Variants in TRAPPC8 observed in about 807,000 individuals in gnomAD.
The protein encoded by TRAPPC8 is general sporulation gene 1 homolog.
In TRAPPC8, 54 loss-of-function variants were observed where a neutral mutation model predicts 174.3. The ratio of observed to expected loss-of-function variants is 0.31; its 90% CI spans 0.25 to 0.39. The LOEUF (loss-of-function observed/expected upper bound fraction) is 0.39, where lower values mean the gene tolerates loss of function less well. Ranked by LOEUF, TRAPPC8 falls within the 10% of genes least tolerant of loss-of-function variation. The probability of loss-of-function intolerance (pLI) is 1.00; values close to 1 mark genes in which losing one functional copy is unlikely to be tolerated. For synonymous variants in TRAPPC8, 630 were observed against 579.9 expected, an observed-to-expected ratio of 1.09 and a Z score of -1.24; for missense variants, 1,531 against 1,699.1, an observed-to-expected ratio of 0.90 and a Z score of 1.74.
rs997446731 is a variant in TRAPPC8 at position 31,873,556 on chromosome 18, G to A, written c.1954-18C>T. 2 of 1,563,166 alleles carry A rather than the reference G, an allele frequency of 1.3e-6. No individual in the cohort carries two copies. The highest frequency in any genetic ancestry group is 1.7e-6 in the Non-Finnish European group (2 of 1,148,914). On this transcript the variant is annotated intron_variant, in intron 13 of 28. Transcript: ENST00000283351. ...CTTACATTCTGAGAGAAATATAAAAGGGAAAAAAAGTAGTTTTTGTGAAAA... is the reference window on the plus strand; with the variant it reads ...CTTACATTCTGAGAGAAATATAAAAAGGAAAAAAAGTAGTTTTTGTGAAAA...
intron 18 of TRAPPC8, among the ~76,000 whole-genome samples, chr18:31,866,233 T>C (rs987493222): frequency 2.4e-4 from 37 of 152,252 alleles, no homozygotes; most frequent in African/African-American, 8.4e-4. Flanking sequence ...TGAACTCAAA[T>C]AACTACACAC....
intron 1 of TRAPPC8, among the ~76,000 whole-genome samples, chr18:31,940,271 T>G (rs1038239667): frequency 3.3e-5 from 5 of 151,810 alleles, no homozygotes; most frequent in African/African-American, 1.2e-4. Flanking sequence ...GGTCAGGAGT[T>G]CGAGACCAGC....
chr18:31,847,642 T>C (rs1370049385), intron 25 of TRAPPC8, among the ~76,000 whole-genome samples: 1 of 152,188 alleles, frequency 6.6e-6, no homozygotes, highest in African/African-American at 2.4e-5. Flanking sequence ...AGGCATAGGA[T>C]GGCTCAGGAC....
chr18:31,877,452 A>G (rs1259966330), intron 12 of TRAPPC8, among the ~76,000 whole-genome samples: 6 of 151,914 alleles, frequency 3.9e-5, no homozygotes, highest in African/African-American at 1.5e-4. Flanking sequence ...CTCTACTAAA[A>G]ATACAAAACA....
chr18:31,857,224 C>A (rs538121038), intron 20 of TRAPPC8, among the ~76,000 whole-genome samples: 1 of 152,080 alleles, frequency 6.6e-6, no homozygotes, highest in Non-Finnish European at 1.5e-5. Flanking sequence ...ATAAATGACG[C>A]CCTATTTTAA....
chr18:31,909,094 A>AC, intron 6 of TRAPPC8, 84 bp from the exon 7 acceptor site: 1 of 1,299,548 alleles, frequency 7.7e-7, no homozygotes, highest in Non-Finnish European at 1.0e-6. Flanking sequence ...AAGAAAAAAA[A>AC]AAAGCAGAAT....
chr18:31,873,007 C>CTTT lies in TRAPPC8; in HGVS notation c.2062+420_2062+422dup, dbSNP rs59209328. On this transcript the variant is annotated intron_variant, in intron 14 of 28. Coordinates refer to ENST00000283351, the MANE Select transcript of TRAPPC8 (RefSeq NM_014939.5). ...AAGTAATAGAGAGCTATTCATTTTC[C>CTTT]TTTTTTTTTTTTTTTTTTTTTTTTT... 5.4e-4 allele frequency among the ~76,000 whole-genome samples: 40 copies of CTTT among 74,630 alleles called. 3 individuals carry two copies. Among genetic ancestry groups the CTTT allele is most frequent in the East Asian group, 8.9e-4 (2 of 2,244 alleles). The allele number at this position is 74,630 out of a possible 152,430, so 49.0% of individuals were successfully genotyped here.
At chr18:31,868,645 C>A (rs1436391879) in intron 16 of TRAPPC8, among the ~76,000 whole-genome samples, 5 of 152,008 alleles carry the variant, frequency 3.3e-5, no homozygotes, top group African/African-American at 1.2e-4. Context: ...ATATCTTTGA[C>A]AAATTTAACC....
intron 2 of TRAPPC8, among the ~76,000 whole-genome samples, chr18:31,929,827 C>A (rs2037775628): frequency 6.6e-6 from 1 of 152,176 alleles, no homozygotes; most frequent in Non-Finnish European, 1.5e-5. Flanking sequence ...AGTTCAAATT[C>A]TATTCCTTTC....
chr18:31,902,591 G>A (rs891141093), intron 9 of TRAPPC8, among the ~76,000 whole-genome samples: 4 of 152,140 alleles, frequency 2.6e-5, no homozygotes, highest in African/African-American at 9.7e-5. Context: ...ATGTAACACA[G>A]TTTTGGTTGT....
chr18:31,850,499 A>G (rs1178161148), intron 24 of TRAPPC8, among the ~76,000 whole-genome samples: 2 of 152,234 alleles, frequency 1.3e-5, no homozygotes, highest in Non-Finnish European at 2.9e-5. Context: ...TTAAACAATG[A>G]AAGCATGAGA....
intron 3 of TRAPPC8, among the ~76,000 whole-genome samples, chr18:31,917,349 C>T (rs1190779773): frequency 6.6e-6 from 1 of 150,952 alleles, no homozygotes; most frequent in Admixed American, 6.7e-5. Context: ...AGCAAGCCCT[C>T]TGTAGTCTTA....
chr18:31,866,435 T>C (rs11872757), intron 18 of TRAPPC8, among the ~76,000 whole-genome samples: 9,027 of 152,222 alleles, frequency 0.059, 287 homozygotes, highest in Middle Eastern at 0.11. Flanking sequence ...CTTAAGGTAT[T>C]TAATATCCAG....
At chr18:31,902,246 G>C (rs1264445014) in intron 9 of TRAPPC8, among the ~76,000 whole-genome samples, 1 of 152,186 alleles carries the variant, frequency 6.6e-6, no homozygotes, top group Admixed American at 6.5e-5. Context: ...CAGGAGAATC[G>C]CTTGAACCCG....
chr18:31,870,437 A>C lies in TRAPPC8; in HGVS notation c.2323T>G (p.Ser775Ala). The C allele has an allele frequency of 6.2e-7, 1 of 1,613,300 alleles. No individual in the cohort carries two copies. The highest frequency in any genetic ancestry group is 8.5e-7 in the Non-Finnish European group (1 of 1,179,558). Residue 775 changes from serine (S) to alanine (A), a missense_variant, in exon 16 of 29, where the codon TCA becomes GCA. Coordinates refer to ENST00000283351, the MANE Select transcript of TRAPPC8 (RefSeq NM_014939.5). ...LKVLLLLTDL[S>A]LLWKFHPKDF... ...TTAGGATGAAACTTCCAAAGCAATG[A>C]CAAATCAGTCAACAAAAGTAGAACT...
In TRAPPC8 at chr18:31,907,568, A is replaced by G; in HGVS notation, c.1281T>C (p.Ala427=). 6.2e-7 allele frequency: 1 copy of G among 1,611,678 alleles called. No homozygotes were observed. Among genetic ancestry groups the G allele is most frequent in the Non-Finnish European group, 8.5e-7 (1 of 1,178,580 alleles). ...EAPELQIRKM[A]DLCFLVQHYD... ...AATGCTGCACCAAAAAACATAAGTC[A>G]GCCATTTTCCTGATTTGAAGTTCTG... The change falls in exon 9 of 29, where the codon GCT becomes GCC. Residue 427 remains alanine, a synonymous_variant. Coordinates refer to ENST00000283351, the MANE Select transcript of TRAPPC8 (RefSeq NM_014939.5).
chr18:31,864,902 G>A (rs1415944323), intron 18 of TRAPPC8, 121 bp from the exon 19 acceptor site: 1 of 826,444 alleles, frequency 1.2e-6, no homozygotes, highest in Non-Finnish European at 1.8e-6. Flanking sequence ...AGACAATTTT[G>A]ATTAACATGA....
chr18:31,837,908 T>C (rs1026847058), intron 27 of TRAPPC8, among the ~76,000 whole-genome samples: 3 of 150,192 alleles, frequency 2.0e-5, no homozygotes, highest in South Asian at 2.1e-4. Flanking sequence ...TAATTCTACT[T>C]ATATAAAGAT....
intron 14 of TRAPPC8, among the ~76,000 whole-genome samples, chr18:31,872,390 A>G (rs1487136607): frequency 1.3e-5 from 2 of 152,208 alleles, no homozygotes; most frequent in Admixed American, 6.5e-5. Context: ...GAAAATTTCC[A>G]TAAGACATTT....
Sources: allele counts gnomAD v4.1 joint callset (sites outside exome capture counted in the v4.1 genomes callset), GRCh38; gene constraint gnomAD v4.1.1; transcripts MANE v1.5; gene names NCBI Gene and HGNC (gene_info 2026-07-23, HGNC 2026-07-21).